CRY2: variants seen among roughly 807,000 people sequenced by gnomAD.
CRY2 encodes cryptochrome-2.
Under a neutral mutation model 69.5 loss-of-function variants are expected in CRY2, and 31 were observed. The ratio of observed to expected loss-of-function variants is 0.45; its 90% CI spans 0.34 to 0.60. CRY2 has a LOEUF of 0.60. Among genes scored for constraint, CRY2 ranks in the 20% least tolerant of loss-of-function variants. The probability of loss-of-function intolerance (pLI) is 0.02; values close to 1 mark genes in which losing one functional copy is unlikely to be tolerated. For missense variants in CRY2, 606 were observed against 797.8 expected (o/e 0.76, Z 2.90); for synonymous variants, 303 against 312.2 (o/e 0.97, Z 0.31).
At chr11:45,866,697 G>A (rs2086333045) in intron 5 of CRY2, among the ~76,000 whole-genome samples, 1 of 152,162 alleles carries the variant, frequency 6.6e-6, no homozygotes, top group African/African-American at 2.4e-5. Context: ...GTGGTGGCAG[G>A]TGCCTATAAT....
Position 45,869,592 on chromosome 11 carries a change from C to T in CRY2, c.969C>T (p.Pro323=). The T allele has an allele frequency of 6.2e-7, 1 of 1,614,274 alleles. No individual in the cohort carries two copies. Among genetic ancestry groups the T allele is most frequent in the Non-Finnish European group, 8.5e-7 (1 of 1,180,058 alleles). The change falls in exon 7 of 12, where the codon CCC becomes CCT. Residue 323 remains proline (P), a synonymous_variant. Coordinates refer to ENST00000616080, the MANE Select transcript of CRY2 (RefSeq NM_021117.5). ...TCTACACGGCAGCTACCAACAACCC[C>T]AGGTTTGACCGCATGGAGGGGAACC... is the stretch of plus-strand genomic sequence containing the variant. ...EFFYTAATNN[P]RFDRMEGNPI...
chr11:45,875,181 AC>A (rs1299061955), intron 11 of CRY2, among the ~76,000 whole-genome samples: 1 of 152,224 alleles, frequency 6.6e-6, no homozygotes, highest in Non-Finnish European at 1.5e-5. Flanking sequence ...ATACTGGTAG[AC>A]AGCTAATGGT....
chr11:45,858,631 C>A, intron 2 of CRY2, 100 bp from the exon 3 acceptor site: 2 of 1,312,990 alleles, frequency 1.5e-6, no homozygotes, highest in Non-Finnish European at 2.1e-6. Flanking sequence ...TCAGATAGGT[C>A]TCTAGACTAG....
At chr11:45,853,486 A>G (rs556069882) in intron 1 of CRY2, among the ~76,000 whole-genome samples, 2 of 152,312 alleles carry the variant, frequency 1.3e-5, no homozygotes, top group South Asian at 2.1e-4. Context: ...ATAAAGTTCT[A>G]TAGAAGGCAG....
upstream of CRY2, chr11:45,847,383 G>T: frequency 1.3e-6 from 2 of 1,597,082 alleles, no homozygotes; most frequent in Non-Finnish European, 1.7e-6. Context: ...CCTGTGGGCG[G>T]GGACTAAGGG....
chr11:45,877,906 A>C (rs543465180), intron 11 of CRY2, among the ~76,000 whole-genome samples: 153 of 152,230 alleles, frequency 1.0e-3, no homozygotes, highest in Admixed American at 3.3e-3. Flanking sequence ...GTTCTTCTAA[A>C]CCTTGGTTTT....
chr11:45,871,987 T>C (rs1023016380), intron 10 of CRY2, 105 bp from the exon 11 acceptor site: 2 of 1,457,596 alleles, frequency 1.4e-6, no homozygotes, highest in East Asian at 2.4e-5. Flanking sequence ...TGGCATTCCA[T>C]TGATAAGTGT....
At chr11:45,875,061 C>A (rs1299581966) in intron 11 of CRY2, among the ~76,000 whole-genome samples, 1 of 152,216 alleles carries the variant, frequency 6.6e-6, no homozygotes, top group East Asian at 1.9e-4. Flanking sequence ...GTTGCTGGTC[C>A]AGGGACCATA....
At chr11:45,868,869 C>T (rs1336856970) in intron 6 of CRY2, among the ~76,000 whole-genome samples, 1 of 152,168 alleles carries the variant, frequency 6.6e-6, no homozygotes, top group African/African-American at 2.4e-5. Flanking sequence ...CTCCTGGGCT[C>T]AGGCCATCCA....
intron 11 of CRY2, among the ~76,000 whole-genome samples, chr11:45,872,868 G>A (rs1349398311): frequency 6.6e-6 from 1 of 152,168 alleles, no homozygotes; most frequent in African/African-American, 2.4e-5. Context: ...CCTGCTTTCC[G>A]ACAGGCTGTG....
rs945636768 is a variant in CRY2, at chr11:45,847,664, G to C, written c.174G>C (p.Pro58=). ...RCVRCVYILD[P]WFAASSSVGI... The stretch of plus-strand genomic sequence containing the variant: ...TGCGCTGCGTTTACATTCTCGACCC[G>C]TGGTTCGCGGCCTCCTCCTCAGTCG... Residue 58 remains proline (P), a synonymous_variant, in exon 1 of 12, where the codon CCG becomes CCC. Transcript: ENST00000616080. The C allele has an allele frequency of 1.3e-6, 2 of 1,591,014 alleles. No homozygotes were observed. Among genetic ancestry groups the C allele is most frequent in the Non-Finnish European group, 1.7e-6 (2 of 1,169,468 alleles).
Position 45,881,776 on chromosome 11 carries a change from C to G in CRY2, c.*865C>G, listed in dbSNP as rs532237759. On this transcript the variant is annotated 3_prime_UTR_variant, in exon 12 of 12. Coordinates refer to ENST00000616080, the MANE Select transcript of CRY2 (RefSeq NM_021117.5). ...TGAAGGGGCAAGGGTCAAACTGACTCACTCTACCAGGAGGAGACCAGGTTG... is the reference window on the plus strand; with the variant it reads ...TGAAGGGGCAAGGGTCAAACTGACTGACTCTACCAGGAGGAGACCAGGTTG... 1 of 151,958 alleles carries G rather than the reference C, an allele frequency of 6.6e-6. No individual in the cohort carries two copies. The highest frequency in any genetic ancestry group is 2.4e-5 in the African/African-American group (1 of 41,446). 9.4% of individuals were successfully genotyped at this position (151,958 alleles called of 1,614,324 possible).
chr11:45,856,348 C>A, intron 2 of CRY2: 1 of 419,502 alleles, frequency 2.4e-6, no homozygotes, highest in Non-Finnish European at 4.3e-6. Flanking sequence ...TGTGGTAAGT[C>A]ATTCCACTCT....
intron 11 of CRY2, among the ~76,000 whole-genome samples, 153 bp from the exon 12 acceptor site, chr11:45,880,761 G>T (rs2086465601): frequency 6.6e-6 from 1 of 152,162 alleles, no homozygotes; most frequent in Admixed American, 6.5e-5. Context: ...GCAACAACCT[G>T]TCCCCAGGTA....
At chr11:45,861,244 A>C (rs1028100808) in intron 4 of CRY2, 1 of 553,452 alleles carries the variant, frequency 1.8e-6, no homozygotes, top group Non-Finnish European at 3.2e-6. Flanking sequence ...ATACTCATAC[A>C]TGTAATCTTC....
At chr11:45,858,421 G>T (rs2086260158) in intron 2 of CRY2, 2 of 262,844 alleles carry the variant, frequency 7.6e-6, no homozygotes, top group South Asian at 1.5e-4. Flanking sequence ...GGTTTCCCAG[G>T]AGCGTTGTAT....
At chr11:45,856,186 A>G (rs551290356) in intron 2 of CRY2, 96 bp downstream of exon 2, 56 of 1,046,814 alleles carry the variant, frequency 5.3e-5, no homozygotes, top group African/African-American at 5.1e-4. Flanking sequence ...AGGGAATGGA[A>G]ACATCAGGGC....
chr11:45,871,332 G>T (rs2086380338), intron 10 of CRY2, among the ~76,000 whole-genome samples: 3 of 152,190 alleles, frequency 2.0e-5, no homozygotes, highest in African/African-American at 7.2e-5. Flanking sequence ...ACCGAAGGGA[G>T]GTCAGTGTAG....
In CRY2 at chr11:45,870,336, C is replaced by T; in HGVS notation, c.1353C>T (p.Tyr451=). The T allele has an allele frequency of 6.2e-7, 1 of 1,614,162 alleles. No individual in the cohort carries two copies. Among genetic ancestry groups the T allele is most frequent in the Non-Finnish European group, 8.5e-7 (1 of 1,180,034 alleles). ...CTGGTGTATCTTATTTCAGGCGATA[C>T]CTGCCCAAATTGAAAGCGTTCCCCT... The part of the protein sequence containing the change: ...TDPSGDYIRR[Y]LPKLKAFPSR... The change falls in exon 9 of 12, where the codon TAC becomes TAT. Residue 451 remains tyrosine, a synonymous_variant. Transcript: ENST00000616080.
Sources: allele counts gnomAD v4.1 joint callset (sites outside exome capture counted in the v4.1 genomes callset), GRCh38; gene constraint gnomAD v4.1.1; transcripts MANE v1.5; gene names NCBI Gene and HGNC (gene_info 2026-07-23, HGNC 2026-07-21).